GNL3L: variants seen among roughly 807,000 people sequenced by gnomAD.
GNL3L encodes G protein nucleolar 3 like.
Under a neutral mutation model 42.9 loss-of-function variants are expected in GNL3L, and 4 were observed. The observed-to-expected ratio is 0.09, with a 90% CI of 0.05 to 0.21. GNL3L has a LOEUF of 0.21. Among genes scored for constraint, GNL3L ranks in the 10% least tolerant of loss-of-function variants. GNL3L has a pLI of 1.00. For synonymous variants in GNL3L, 159 were observed against 176.3 expected (o/e 0.90, Z 0.78); for missense variants, 412 against 481.7 (o/e 0.86, Z 1.36).
intron 16 of GNL3L, among the ~76,000 whole-genome samples, chrX:54,616,875 GA>G (rs1926227044): frequency 8.9e-6 from 1 of 112,096 alleles, no homozygotes; most frequent in African/African-American, 3.2e-5. Context: ...AACTTTGGTA[GA>G]GAGGATGGGA....
intron 16 of GNL3L, among the ~76,000 whole-genome samples, chrX:54,587,545 A>G (rs1488144713): frequency 8.9e-6 from 1 of 111,788 alleles, no homozygotes; most frequent in East Asian, 2.8e-4. Context: ...AATATAGTAT[A>G]GCTCCACTAA....
At chrX:54,600,058 C>T (rs899473599) in intron 16 of GNL3L, among the ~76,000 whole-genome samples, 1 of 109,104 alleles carries the variant, frequency 9.2e-6, no homozygotes, top group African/African-American at 3.3e-5. Flanking sequence ...TAAAAAATCT[C>T]TGTTATCTTG....
At chrX:54,606,141 T>C (rs1457934256) in intron 16 of GNL3L, among the ~76,000 whole-genome samples, 1 of 111,941 alleles carries the variant, frequency 8.9e-6, no homozygotes, top group Non-Finnish European at 1.9e-5. Context: ...TTTAATAGAA[T>C]ATAAAGAAAA....
chrX:54,626,835 C>A, the GNL3L span, among the ~76,000 whole-genome samples: 4 of 111,053 alleles, frequency 3.6e-5, no homozygotes, highest in Admixed American at 9.6e-5. Context: ...CTATTTAGTT[C>A]TTTTGCCCAC....
chrX:54,549,717 C>CA (rs1474225752), intron 9 of GNL3L, among the ~76,000 whole-genome samples: 3 of 111,547 alleles, frequency 2.7e-5, no homozygotes, highest in East Asian at 2.8e-4. Flanking sequence ...GACTCCGTCT[C>CA]AAAAAAAAGA....
chrX:54,624,001 G>T (rs1405512617), downstream of GNL3L, among the ~76,000 whole-genome samples: 1 of 109,709 alleles, frequency 9.1e-6, no homozygotes, highest in African/African-American at 3.3e-5. Flanking sequence ...GCTCACTGCA[G>T]CCTCGACTTC....
At chrX:54,613,893 T>C (rs1191762197) in intron 16 of GNL3L, among the ~76,000 whole-genome samples, 1 of 110,392 alleles carries the variant, frequency 9.1e-6, no homozygotes, top group Non-Finnish European at 1.9e-5. Context: ...TTTTTTGTGC[T>C]GGTTGACCTC....
At position 54,607,082 on chromosome X, in the gene GNL3L, CTTCTTTCTTTCTTTCTTTCTT is replaced by C. The variant is rs1926098884; in HGVS notation, c.*46-13761_*46-13741del. Among the ~76,000 whole-genome samples the C allele has an allele frequency of 1.7e-3, 38 of 21,995 alleles. 2 individuals carry two copies. Among genetic ancestry groups the C allele is most frequent in the East Asian group, 6.1e-3 (4 of 651 alleles). The allele number at this position is 21,995 out of a possible 115,157, so 19.1% of individuals were successfully genotyped here. A position where few individuals can be genotyped will look rare whatever the true frequency, so the allele number is the denominator to read the frequency against. ...TTTCTTTCTTTCTTTCTCTTTCTTTCTTCTTTCTTTCTTTCTTTCTTTCTTTCTTTCTTTCTTTCTTTCTTT... is the reference window on the plus strand; with the variant it reads ...TTTCTTTCTTTCTTTCTCTTTCTTTCTCTTTCTTTCTTTCTTTCTTTCTTT... On this transcript the variant is annotated intron_variant, in intron 16 of 16. Coordinates refer to the GNL3L transcript ENST00000674498.
chrX:54,532,432 A>C, intron 1 of GNL3L, 88 bp from the exon 2 acceptor site: 1 of 550,129 alleles, frequency 1.8e-6, no homozygotes, highest in Non-Finnish European at 3.1e-6. Context: ...ATGTTCTTTA[A>C]CATTTTACCT....
chrX:54,593,997 A>G (rs1218359436), intron 16 of GNL3L, among the ~76,000 whole-genome samples: 1 of 111,920 alleles, frequency 8.9e-6, no homozygotes, highest in African/African-American at 3.2e-5. Context: ...GAATGTTTTA[A>G]GACTTGTTTT....
rs1038468002 is a variant in GNL3L, at chrX:54,566,355, G to T, written c.*5753G>T. Among the ~76,000 whole-genome samples the T allele has an allele frequency of 9.0e-6, 1 of 111,538 alleles. No homozygotes were observed. On this transcript the variant is annotated 3_prime_UTR_variant, in exon 16 of 16. Transcript: ENST00000360845. ...TCTTTCGTTGATAGACATTTAGGTC[G>T]ATTCCATGTCTTTGGTATTGTGAAT...
chrX:54,550,664 A>G (rs1435221774), intron 9 of GNL3L, among the ~76,000 whole-genome samples: 2 of 111,764 alleles, frequency 1.8e-5, no homozygotes, highest in Admixed American at 1.9e-4. Context: ...CTTCTGTTGG[A>G]TTGTGCCACT....
At chrX:54,536,514 G>A (rs1477949164) in intron 2 of GNL3L, among the ~76,000 whole-genome samples, 3 of 110,355 alleles carry the variant, frequency 2.7e-5, no homozygotes, top group Non-Finnish European at 5.7e-5. Flanking sequence ...GCCAGGCGTG[G>A]TGGCTCATGC....
chrX:54,630,834 G>A, the GNL3L span, among the ~76,000 whole-genome samples: 14 of 100,968 alleles, frequency 1.4e-4, no homozygotes, highest in African/African-American at 4.1e-4. Flanking sequence ...TTGAGACAGA[G>A]TGTCACTTTG....
chrX:54,560,561 C>T lies in GNL3L; in HGVS notation c.1708C>T (p.Leu570Phe), dbSNP rs771261396. The change falls in exon 16 of 16, where the codon CTC becomes TTC. Residue 570 changes from leucine to phenylalanine, a missense_variant. Transcript: ENST00000360845. Reference protein sequence around the residue: ...SKLSDSMMSALDLSGNADDGV... With the variant: ...SKLSDSMMSAFDLSGNADDGV... ...GCTGTCTGATTCCATGATGTCTGCT[C>T]TCGACCTCTCTGGCAATGCTGATGA... is the stretch of plus-strand genomic sequence containing the variant. The T allele has an allele frequency of 1.7e-6, 2 of 1,176,724 alleles. No individual in the cohort carries two copies. The highest frequency in any genetic ancestry group is 2.3e-6 in the Non-Finnish European group (2 of 864,838).
intron 1 of GNL3L, among the ~76,000 whole-genome samples, chrX:54,531,411 G>A (rs959476555): frequency 1.8e-5 from 2 of 111,251 alleles, no homozygotes; most frequent in East Asian, 5.7e-4. Context: ...ACCCAAGGTA[G>A]TGGAGCTCAG....
intron 9 of GNL3L, among the ~76,000 whole-genome samples, chrX:54,549,147 A>T (rs1349119194): frequency 8.9e-6 from 1 of 111,964 alleles, no homozygotes; most frequent in Admixed American, 9.5e-5. Context: ...AGAAAAACAT[A>T]CTACAGGGAT....
At chrX:54,578,370 A>T (rs1925663801) in intron 16 of GNL3L, among the ~76,000 whole-genome samples, 1 of 112,202 alleles carries the variant, frequency 8.9e-6, no homozygotes. Context: ...TTCTGTGTAC[A>T]GTTCTATGAT....
chrX:54,564,239 A>G lies in GNL3L; in HGVS notation c.*3637A>G, dbSNP rs901455984. Among the ~76,000 whole-genome samples the G allele has an allele frequency of 9.9e-5, 11 of 110,801 alleles. No homozygotes were observed. The highest frequency in any genetic ancestry group is 1.9e-4 in the Admixed American group (2 of 10,318). ...AAAATTCACTCTGGTATACAGTTCT[A>G]TAAAGCTCTGATAAATGTGTAGAGT... On this transcript the variant is annotated 3_prime_UTR_variant, in exon 16 of 16. Coordinates refer to ENST00000360845, the MANE Select transcript of GNL3L (RefSeq NM_001184819.2).
Sources: allele counts gnomAD v4.1 joint callset (sites outside exome capture counted in the v4.1 genomes callset), GRCh38; gene constraint gnomAD v4.1.1; transcripts MANE v1.5; gene names NCBI Gene and HGNC (gene_info 2026-07-23, HGNC 2026-07-21).